TMBIM4: variants seen among roughly 807,000 people sequenced by gnomAD.
The protein encoded by TMBIM4 is protein lifeguard 4.
In TMBIM4, 28 loss-of-function variants were observed where a neutral mutation model predicts 27.7. That is an observed-to-expected ratio of 1.01 (90% confidence interval 0.75 to 1.38). TMBIM4 has a LOEUF of 1.38. Among genes scored for constraint, TMBIM4 ranks in the 40% most tolerant of loss-of-function variants. The pLI is 0.00. For synonymous variants in TMBIM4, 115 were observed against 113.1 expected, an observed-to-expected ratio of 1.02 and a Z score of -0.11; for missense variants, 265 against 277.5, an observed-to-expected ratio of 0.95 and a Z score of 0.32.
At chr12:66,141,987 T>C (rs893449766) in intron 5 of TMBIM4, among the ~76,000 whole-genome samples, 3 of 152,142 alleles carry the variant, frequency 2.0e-5, no homozygotes, top group African/African-American at 7.2e-5. Context: ...TAATTGACAT[T>C]TATCAAATCA....
At chr12:66,152,913 G>A (rs1386321258) in intron 2 of TMBIM4, among the ~76,000 whole-genome samples, 1 of 151,618 alleles carries the variant, frequency 6.6e-6, no homozygotes, top group African/African-American at 2.4e-5. Flanking sequence ...CCTGATTAAA[G>A]ATCAGGGATG....
chr12:66,160,347 ACT>A (rs1271407492), intron 1 of TMBIM4: 4 of 599,960 alleles, frequency 6.7e-6, no homozygotes, highest in South Asian at 5.8e-5. Flanking sequence ...TACTCTTTTG[ACT>A]CTATCATTTC....
intron 5 of TMBIM4, among the ~76,000 whole-genome samples, chr12:66,143,069 A>G (rs2051694492): frequency 6.6e-6 from 1 of 152,186 alleles, no homozygotes; most frequent in Admixed American, 6.5e-5. Context: ...CCATTTGGTA[A>G]GTTTCTGGTA....
At chr12:66,150,824 T>C (rs1342744324) in intron 3 of TMBIM4, among the ~76,000 whole-genome samples, 6 of 152,068 alleles carry the variant, frequency 3.9e-5, no homozygotes, top group South Asian at 2.1e-4. Flanking sequence ...AAATTAAAGA[T>C]AGAAAAAGGG....
In TMBIM4 at chr12:66,146,057, T is replaced by C. The variant is rs182561731; in HGVS notation, c.347-99A>G. ...AGAAATGCTTCATTTTCTCCTGTACTTTATGCCAATAAAAACAATTAGAAA... is the reference window on the plus strand; with the variant it reads ...AGAAATGCTTCATTTTCTCCTGTACCTTATGCCAATAAAAACAATTAGAAA... On this transcript the variant is annotated intron_variant, in intron 4 of 6. Coordinates refer to ENST00000358230, the MANE Select transcript of TMBIM4 (RefSeq NM_016056.4). 1.5e-4 allele frequency: 88 copies of C among 586,782 alleles called. No individual in the cohort carries two copies. In the Admixed American group the frequency reaches 2.5e-3, roughly 17 times the overall value. The allele number at this position is 586,782 out of a possible 1,614,324, so 36.3% of individuals were successfully genotyped here. A position where few individuals can be genotyped will look rare whatever the true frequency, so the allele number is the denominator to read the frequency against.
chr12:66,169,682 C>T (rs996334477), intron 1 of TMBIM4, among the ~76,000 whole-genome samples, 173 bp downstream of exon 1: 6 of 152,188 alleles, frequency 3.9e-5, no homozygotes, highest in Admixed American at 2.6e-4. Flanking sequence ...TCCCCGACTC[C>T]CTGAGGAGGG....
intron 1 of TMBIM4, chr12:66,169,491 CA>C (rs1313020007): frequency 1.0e-5 from 5 of 491,098 alleles, no homozygotes; most frequent in Non-Finnish European, 1.8e-5. Context: ...TCACAGTGAT[CA>C]ACCGACTCAT....
At chr12:66,160,478 TTAAA>T (rs2052016403) in intron 1 of TMBIM4, among the ~76,000 whole-genome samples, 1 of 152,172 alleles carries the variant, frequency 6.6e-6, no homozygotes, top group Non-Finnish European at 1.5e-5. Flanking sequence ...GTGGGGATGG[TTAAA>T]TAAATTATGG....
In TMBIM4 at chr12:66,153,329, C is replaced by A. The variant is rs1303045603; in HGVS notation, c.206+11G>T. The stretch of plus-strand genomic sequence containing the variant: ...GTCTGAAAATTATTCATTACCATCT[C>A]ATTACCTTACCTCTCATGTACAAAT... On this transcript the variant is annotated intron_variant, in intron 2 of 6. Transcript: ENST00000358230. 7.0e-7 allele frequency: 1 copy of A among 1,437,850 alleles called. No individual in the cohort carries two copies. The highest frequency in any genetic ancestry group is 2.3e-5 in the East Asian group (1 of 42,862). The allele number at this position is 1,437,850 out of a possible 1,614,324, so 89.1% of individuals were successfully genotyped here. A position where few individuals can be genotyped will look rare whatever the true frequency, so the allele number is the denominator to read the frequency against.
intron 5 of TMBIM4, among the ~76,000 whole-genome samples, chr12:66,143,272 T>C (rs1022149590): frequency 2.0e-5 from 3 of 152,184 alleles, no homozygotes; most frequent in African/African-American, 2.4e-5. Context: ...AGATATACCA[T>C]GGACATAGTG....
rs547435548 is a variant in TMBIM4, at chr12:66,136,278, G to C, written c.*1682C>G. The C allele has an allele frequency of 6.6e-6, 1 of 152,276 alleles. No individual in the cohort carries two copies. Among genetic ancestry groups the C allele is most frequent in the African/African-American group, 2.4e-5 (1 of 41,526 alleles). The allele number at this position is 152,276 out of a possible 1,614,324, so 9.4% of individuals were successfully genotyped here. ...CCAAATGTCACTTAAGCACCTGGTT[G>C]GACTGCAATGATTCTAATCTAGATG... On this transcript the variant is annotated 3_prime_UTR_variant, in exon 7 of 7. Coordinates refer to ENST00000358230, the MANE Select transcript of TMBIM4 (RefSeq NM_016056.4).
chr12:66,169,817 A>T (rs2052205111), intron 1 of TMBIM4, 38 bp downstream of exon 1: 1 of 1,474,854 alleles, frequency 6.8e-7, no homozygotes, highest in Non-Finnish European at 9.1e-7. Flanking sequence ...AGCAGTGCAG[A>T]CAAGCGGCTG....
At chr12:66,148,005 T>C in intron 3 of TMBIM4, 64 bp from the exon 4 acceptor site, 1 of 1,468,504 alleles carries the variant, frequency 6.8e-7, no homozygotes, top group Admixed American at 1.8e-5. Context: ...CATTTTCTAA[T>C]TTCTAGCAGC....
intron 1 of TMBIM4, among the ~76,000 whole-genome samples, chr12:66,164,012 G>A (rs1248861594): frequency 6.6e-6 from 1 of 152,134 alleles, no homozygotes; most frequent in Non-Finnish European, 1.5e-5. Context: ...CTGTGAGGAT[G>A]GTTCAATACA....
intron 1 of TMBIM4, among the ~76,000 whole-genome samples, chr12:66,165,583 T>C (rs2052112663): frequency 6.6e-6 from 1 of 152,118 alleles, no homozygotes; most frequent in Admixed American, 6.5e-5. Flanking sequence ...GCACCCAACC[T>C]TGTGAATCTT....
rs2051587973 is a variant in TMBIM4 at position 66,137,015 on chromosome 12, A to AT, written c.*944dup. The AT allele has an allele frequency of 6.6e-6, 1 of 152,244 alleles. No individual in the cohort carries two copies. The highest frequency in any genetic ancestry group is 1.5e-5 in the Non-Finnish European group (1 of 68,042). The allele number at this position is 152,244 out of a possible 1,614,324, so 9.4% of individuals were successfully genotyped here. Reference sequence around the variant, plus strand: ...AGTATCTTTGGTGTCCTCTAACCACATTACCATTCTATAATTTCAAATGAA... The same window carrying AT: ...AGTATCTTTGGTGTCCTCTAACCACATTTACCATTCTATAATTTCAAATGAA... On this transcript the variant is annotated 3_prime_UTR_variant, in exon 7 of 7. Transcript: ENST00000358230.
rs1424402890 is a variant in TMBIM4 at position 66,153,395 on chromosome 12, C to CTG, written c.149_150dup (p.Val51GlnfsTer2). 1 of 1,602,380 alleles carries CTG rather than the reference C, an allele frequency of 6.2e-7. No homozygotes were observed. The highest frequency in any genetic ancestry group is 1.8e-5 in the Admixed American group (1 of 56,596). On this transcript the variant is annotated frameshift_variant, in exon 2 of 7. Transcript: ENST00000358230. LOFTEE classifies it high-confidence loss of function. ...AAGTATAAAAAAACTGTTGAAGTCACTGTAGTTAAGAGAACCTGCAGAGAA... is the reference window on the plus strand; with the variant it reads ...AAGTATAAAAAAACTGTTGAAGTCACTGTGTAGTTAAGAGAACCTGCAGAGAA...
At chr12:66,168,640 TAACC>T (rs1271065994) in intron 1 of TMBIM4, 3 of 152,306 alleles carry the variant, frequency 2.0e-5, no homozygotes, top group African/African-American at 7.2e-5. Context: ...AACCAAGCTG[TAACC>T]AATCAACTCT....
rs1232650015 is a variant in TMBIM4 at position 66,145,959 on chromosome 12, CTG to C, written c.347-3_347-2del. On this transcript the variant is annotated splice_acceptor_variant and splice_polypyrimidine_tract_variant and intron_variant, in intron 4 of 6. Coordinates refer to ENST00000358230, the MANE Select transcript of TMBIM4 (RefSeq NM_016056.4). LOFTEE classifies it high-confidence loss of function. ...ATAATATATACATCATAGAAAGTAACTGTAAAATTAAAACACTGATTAACATG... is the reference window on the plus strand; with the variant it reads ...ATAATATATACATCATAGAAAGTAACTAAAATTAAAACACTGATTAACATG... The C allele has an allele frequency of 6.7e-7, 1 of 1,483,782 alleles. No individual in the cohort carries two copies. The highest frequency in any genetic ancestry group is 1.4e-5 in the African/African-American group (1 of 71,184). 91.9% of individuals were successfully genotyped at this position (1,483,782 alleles called of 1,614,324 possible).
Sources: allele counts gnomAD v4.1 joint callset (sites outside exome capture counted in the v4.1 genomes callset), GRCh38; gene constraint gnomAD v4.1.1; transcripts MANE v1.5; gene names NCBI Gene and HGNC (gene_info 2026-07-23, HGNC 2026-07-21).